The following RDX variants were observed in gnomAD, a reference collection of about 807,000 sequenced individuals.
RDX encodes the protein radixin, also known as deafness, autosomal recessive 24.
In RDX, 32 loss-of-function variants were observed where a neutral mutation model predicts 83.7. That is an observed-to-expected ratio of 0.38 (90% confidence interval 0.29 to 0.51). The LOEUF is 0.51. Among genes scored for constraint, RDX ranks in the 20% least tolerant of loss-of-function variants. RDX has a pLI of 0.87. For missense variants in RDX, 600 were observed against 689.9 expected (o/e 0.87, Z 1.46); for synonymous variants, 229 against 222.7 (o/e 1.03, Z -0.25).
chr11:110,266,081 T>C (rs1158212471), intron 3 of RDX, among the ~76,000 whole-genome samples: 1 of 151,928 alleles, frequency 6.6e-6, no homozygotes, highest in East Asian at 1.9e-4. Flanking sequence ...TCCCAGCACT[T>C]TGGGAGGCCG....
At chr11:110,186,294 T>A (rs1220388723) in intron 15 of RDX, among the ~76,000 whole-genome samples, 1 of 152,054 alleles carries the variant, frequency 6.6e-6, no homozygotes, top group African/African-American at 2.4e-5. Context: ...CAAGAAGAAA[T>A]CCAGCCAACA....
intron 10 of RDX, among the ~76,000 whole-genome samples, chr11:110,241,632 A>G (rs1865104459): frequency 6.6e-6 from 1 of 152,190 alleles, no homozygotes; most frequent in Non-Finnish European, 1.5e-5. Flanking sequence ...CATCTGATTG[A>G]CTGATATATA....
intron 15 of RDX, among the ~76,000 whole-genome samples, chr11:110,196,569 C>G (rs1863216080): frequency 1.3e-5 from 2 of 152,338 alleles, no homozygotes; most frequent in South Asian, 4.1e-4. Flanking sequence ...TGACGTGAAT[C>G]CCAAGAGAAA....
chr11:110,206,622 T>C (rs1863615858), intron 14 of RDX, among the ~76,000 whole-genome samples: 1 of 152,238 alleles, frequency 6.6e-6, no homozygotes, highest in Non-Finnish European at 1.5e-5. Flanking sequence ...TATATACATA[T>C]ATTCCATCAT....
intron 13 of RDX, 151 bp from the exon 14 acceptor site, chr11:110,232,184 G>A (rs1406999734): frequency 4.5e-6 from 3 of 669,614 alleles, no homozygotes; most frequent in Non-Finnish European, 7.8e-6. Context: ...AGTAATAGTG[G>A]TGGCAGTGGT....
chr11:110,233,502 T>G (rs1864724659), intron 12 of RDX, 23 bp from the exon 13 acceptor site: 1 of 1,613,404 alleles, frequency 6.2e-7, no homozygotes, highest in Non-Finnish European at 8.5e-7. Flanking sequence ...AATACGTTTA[T>G]GAGCAACTTA....
At chr11:110,294,192 C>G (rs1301608704) in intron 1 of RDX, among the ~76,000 whole-genome samples, 1 of 152,228 alleles carries the variant, frequency 6.6e-6, no homozygotes, top group Non-Finnish European at 1.5e-5. Flanking sequence ...TCCAGGAGTT[C>G]CAGACCAGCC....
intron 14 of RDX, among the ~76,000 whole-genome samples, chr11:110,223,803 C>G (rs1187877585): frequency 6.6e-6 from 1 of 152,118 alleles, no homozygotes; most frequent in Non-Finnish European, 1.5e-5. Flanking sequence ...CAGTGGCTCA[C>G]GCCTGTAATC....
At chr11:110,178,503 G>T (rs1030433786) in intron 15 of RDX, among the ~76,000 whole-genome samples, 8 of 152,304 alleles carry the variant, frequency 5.3e-5, no homozygotes, top group African/African-American at 1.9e-4. Flanking sequence ...GGAGATCACC[G>T]TCTAAGTCAG....
intron 3 of RDX, among the ~76,000 whole-genome samples, chr11:110,266,736 G>GA (rs1555044698): frequency 2.0e-5 from 3 of 150,822 alleles, no homozygotes; most frequent in African/African-American, 7.3e-5. Context: ...CCTAGTTAAT[G>GA]TTTTTTTTTG....
intron 15 of RDX, among the ~76,000 whole-genome samples, chr11:110,183,269 C>G (rs763249591): frequency 6.6e-6 from 1 of 152,186 alleles, no homozygotes; most frequent in Admixed American, 6.5e-5. Context: ...GGGAGGAGCA[C>G]TCCAGGTGAG....
intron 14 of RDX, among the ~76,000 whole-genome samples, chr11:110,211,764 T>C (rs1591515208): frequency 1.3e-5 from 2 of 151,004 alleles, no homozygotes; most frequent in East Asian, 3.9e-4. Flanking sequence ...AAGGCAGAAA[T>C]AAAGATGTTC....
chr11:110,252,895 T>C (rs1859396960), intron 9 of RDX, among the ~76,000 whole-genome samples: 1 of 152,318 alleles, frequency 6.6e-6, no homozygotes, highest in East Asian at 1.9e-4. Context: ...GCCTCCCAAG[T>C]AGCTGAGACT....
At chr11:110,204,080 T>A (rs1401116360) in intron 14 of RDX, among the ~76,000 whole-genome samples, 1 of 152,144 alleles carries the variant, frequency 6.6e-6, no homozygotes, top group East Asian at 1.9e-4. Context: ...ATGTTCCACA[T>A]GGGACTGGAA....
At chr11:110,275,763 A>G (rs1281345201) in intron 2 of RDX, among the ~76,000 whole-genome samples, 2 of 148,626 alleles carry the variant, frequency 1.3e-5, no homozygotes, top group Non-Finnish European at 3.0e-5. Flanking sequence ...TTACACACAG[A>G]TACCAGTTTT....
chr11:110,237,214 C>A (rs1864891688), intron 11 of RDX, among the ~76,000 whole-genome samples: 1 of 151,568 alleles, frequency 6.6e-6, no homozygotes, highest in South Asian at 2.1e-4. Flanking sequence ...TATTACCGAA[C>A]CTGTCCAATG....
At position 110,259,497 on chromosome 11, in the gene RDX, C is replaced by T. The variant is rs1172581176; in HGVS notation, c.468-1308G>A. Among the ~76,000 whole-genome samples, 3 of 152,314 alleles carry T rather than the reference C, an allele frequency of 2.0e-5. No individual in the cohort carries two copies. The East Asian group carries it at 5.8e-4, about 29-fold the overall frequency. ...TGGCAGCATAAAGGAATGATAAAAT[C>T]TCCCCCTGGATAAGTTACCTACTAC... On this transcript the variant is annotated intron_variant, in intron 5 of 13. Coordinates refer to ENST00000645495, the MANE Select transcript of RDX (RefSeq NM_002906.4).
intron 5 of RDX, among the ~76,000 whole-genome samples, chr11:110,262,214 A>T (rs1008279864): frequency 2.0e-5 from 3 of 152,194 alleles, no homozygotes; most frequent in African/African-American, 7.2e-5. Context: ...CTTGGTGAAC[A>T]ACTTACATAA....
At chr11:110,175,056 AGGCTTGTGGTGATG>A (rs1591493070) in exon 16 of RDX, 1 of 150,946 alleles carries the variant, frequency 6.6e-6, no homozygotes, top group African/African-American at 2.5e-5. Context: ...TCCTGTCTTG[AGGCTTGTGGTGATG>A]GGCTTGGGTT....
Sources: gnomAD v4.1 joint callset for allele counts (sites outside exome capture counted in the v4.1 genomes callset) on GRCh38, gnomAD v4.1.1 for gene constraint, MANE v1.5 for transcripts, NCBI Gene and HGNC (gene_info 2026-07-23, HGNC 2026-07-21) for gene names.